Variants in MTOR observed in about 807,000 individuals in gnomAD.
The protein encoded by MTOR is serine/threonine-protein kinase mTOR.
MTOR carries 70 observed loss-of-function variants against 319.8 expected under a neutral mutation model. The ratio of observed to expected loss-of-function variants is 0.22; its 90% confidence interval spans 0.18 to 0.27. The LOEUF is 0.27. Among genes scored for constraint, MTOR ranks in the 10% least tolerant of loss-of-function variants. MTOR has a pLI of 1.00. For synonymous variants in MTOR, 1,183 were observed against 1,211.4 expected (o/e 0.98, Z 0.49); for missense variants, 1,890 against 3,274.4 (o/e 0.58, Z 10.32).
At position 11,127,836 on chromosome 1, in the gene MTOR, T is replaced by A. The variant is rs1770344; in HGVS notation, c.6034-30A>T. The A allele has an allele frequency of 1.9e-6, 3 of 1,601,146 alleles. No homozygotes were observed. In the South Asian group the frequency reaches 3.4e-5, roughly 18 times the overall value. ...AGCCAAGAGAAGAAGGAGAGAAGCA[T>A]CAAGAATCAGCTAACCTCAGAAAGG... On this transcript the variant is annotated intron_variant, in intron 43 of 57. Transcript: ENST00000361445. The surrounding 1 kb of genome is among the most constrained non-coding windows in gnomAD (Gnocchi z 5.5).
At chr1:11,243,568 A>G (rs1648381789) in intron 8 of MTOR, among the ~76,000 whole-genome samples, 1 of 151,776 alleles carries the variant, frequency 6.6e-6, no homozygotes, top group African/African-American at 2.4e-5. Flanking sequence ...CATGCCTGTA[A>G]TCCCAGCTAC....
intron 36 of MTOR, 30 bp downstream of exon 36, chr1:11,139,274 G>C (rs369323146): frequency 1.6e-4 from 256 of 1,569,668 alleles, no homozygotes; most frequent in Non-Finnish European, 2.1e-4. Context: ...TGGAGAAGGT[G>C]GTCTGTTCTG....
intron 8 of MTOR, among the ~76,000 whole-genome samples, chr1:11,246,340 C>T (rs899655895): frequency 6.6e-6 from 1 of 152,172 alleles, no homozygotes; most frequent in African/African-American, 2.4e-5. Context: ...GTTATTAGTT[C>T]CTTTTGAACC....
intron 49 of MTOR, among the ~76,000 whole-genome samples, chr1:11,119,528 G>A (rs1417778762): frequency 7.3e-6 from 1 of 136,764 alleles, no homozygotes; most frequent in Non-Finnish European, 1.5e-5. Context: ...CCGAGATCGC[G>A]CCACTGCACT....
intron 30 of MTOR, among the ~76,000 whole-genome samples, chr1:11,155,413 G>A (rs938088279): frequency 6.6e-6 from 1 of 151,604 alleles, no homozygotes; most frequent in Admixed American, 6.6e-5. Flanking sequence ...GAAAATGGCA[G>A]CAAAAAAAAA....
At chr1:11,251,522 T>C (rs763811127) in intron 6 of MTOR, among the ~76,000 whole-genome samples, 2 of 152,246 alleles carry the variant, frequency 1.3e-5, no homozygotes, top group Non-Finnish European at 2.9e-5. Flanking sequence ...AAGAATGGAA[T>C]CTATTTTGTT....
intron 4 of MTOR, 137 bp from the exon 5 acceptor site, chr1:11,256,329 G>A (rs1190612382): frequency 5.3e-5 from 77 of 1,445,930 alleles, no homozygotes; most frequent in Admixed American, 8.4e-5. Flanking sequence ...AGGAAATTCT[G>A]AGGACAGAGG....
Position 11,129,625 on chromosome 1 carries a change from G to A in MTOR, c.5714+113C>T, listed in dbSNP as rs527494442. On this transcript the variant is annotated intron_variant, in intron 40 of 57. Transcript: ENST00000361445. This position sits in a 1 kb window ranked among gnomAD's most constrained non-coding sequence, Gnocchi z 4.7. ...AGTGCAGAAAAAAGGCACATACATCGATCTTGGGTGTCCTGATCAGGGTCA... is the reference window on the plus strand; with the variant it reads ...AGTGCAGAAAAAAGGCACATACATCAATCTTGGGTGTCCTGATCAGGGTCA... 485 of 899,480 alleles carry A rather than the reference G, an allele frequency of 5.4e-4. 5 individuals are homozygous for A. In the South Asian group the frequency reaches 7.4e-3, roughly 14 times the overall value. The allele number at this position is 899,480 out of a possible 1,614,324, so 55.7% of individuals were successfully genotyped here. A position where few individuals can be genotyped will look rare whatever the true frequency, so the allele number is the denominator to read the frequency against.
chr1:11,128,636 C>T lies in MTOR; in HGVS notation c.5812-84G>A. On this transcript the variant is annotated intron_variant, in intron 41 of 57. Transcript: ENST00000361445. This position sits in a 1 kb window ranked among gnomAD's most constrained non-coding sequence, Gnocchi z 5.3. ...TCTAGGCAAAGATCAATTCTTTTAA[C>T]TTGTTTCGGTTGATGCTCTGAAATG... 7.2e-7 allele frequency: 1 copy of T among 1,387,006 alleles called. No individual in the cohort carries two copies. Among genetic ancestry groups the T allele is most frequent in the South Asian group, 1.2e-5 (1 of 84,252 alleles). The allele number at this position is 1,387,006 out of a possible 1,614,324, so 85.9% of individuals were successfully genotyped here. A position where few individuals can be genotyped will look rare whatever the true frequency, so the allele number is the denominator to read the frequency against.
At chr1:11,116,151 C>A (rs12145459) in intron 50 of MTOR, among the ~76,000 whole-genome samples, 8,828 of 152,136 alleles carry the variant, frequency 0.058, 364 homozygotes, top group South Asian at 0.12. Flanking sequence ...TCTGAACATT[C>A]GTAAATTACA....
intron 13 of MTOR, among the ~76,000 whole-genome samples, chr1:11,234,486 C>A (rs900012161): frequency 6.6e-6 from 1 of 152,212 alleles, no homozygotes; most frequent in Non-Finnish European, 1.5e-5. Flanking sequence ...AAAACCTGCT[C>A]CCTTTCCTTT....
intron 47 of MTOR, among the ~76,000 whole-genome samples, chr1:11,123,410 T>C (rs1423661198): frequency 9.0e-6 from 1 of 111,172 alleles, no homozygotes; most frequent in Non-Finnish European, 1.7e-5. Flanking sequence ...TGTGCCCAGC[T>C]TTTTTTTTTT....
chr1:11,214,240 A>AT, intron 20 of MTOR, among the ~76,000 whole-genome samples: 1 of 152,322 alleles, frequency 6.6e-6, no homozygotes, highest in South Asian at 2.1e-4. Context: ...ATAGCATCTG[A>AT]TATCTGTCCC....
intron 28 of MTOR, among the ~76,000 whole-genome samples, chr1:11,185,263 T>C (rs1297869670): frequency 5.3e-5 from 8 of 151,592 alleles, no homozygotes; most frequent in Non-Finnish European, 1.0e-4. Flanking sequence ...TTTTTTTTTT[T>C]TACTATATTC....
intron 23 of MTOR, among the ~76,000 whole-genome samples, chr1:11,211,802 A>C (rs1646321267): frequency 6.6e-6 from 1 of 152,044 alleles, no homozygotes; most frequent in Non-Finnish European, 1.5e-5. Flanking sequence ...CCTTAACTAC[A>C]AGCACTTCCC....
intron 28 of MTOR, chr1:11,194,809 C>A: frequency 6.2e-7 from 1 of 1,608,812 alleles, no homozygotes; most frequent in South Asian, 1.1e-5. Flanking sequence ...GATGTCTGGT[C>A]TATCACAGTC....
chr1:11,247,492 A>G, intron 8 of MTOR, 133 bp downstream of exon 8: 1 of 738,168 alleles, frequency 1.4e-6, no homozygotes, highest in Admixed American at 2.4e-5. Flanking sequence ...ATAGCATTGA[A>G]ATTGGACATG....
At position 11,213,649 on chromosome 1, in the gene MTOR, A is replaced by G. The variant is rs1392979826; in HGVS notation, c.3118-83T>C. The G allele has an allele frequency of 5.1e-6, 7 of 1,375,496 alleles. No homozygotes were observed. In the East Asian group the frequency reaches 1.6e-4, roughly 32 times the overall value. The allele number at this position is 1,375,496 out of a possible 1,614,324, so 85.2% of individuals were successfully genotyped here. On this transcript the variant is annotated intron_variant, in intron 20 of 57. Transcript: ENST00000361445. ...ACAAAGGAATCAAGATGGCCAGAAA[A>G]GCAAAACTGTAGTGAGCATGGTCTG...
At chr1:11,192,206 A>G in intron 28 of MTOR, 2 of 1,232,804 alleles carry the variant, frequency 1.6e-6, no homozygotes, top group Admixed American at 1.7e-5. Flanking sequence ...CTCAGTCTCT[A>G]AACACTCAAC....
Sources: allele counts gnomAD v4.1 joint callset (sites outside exome capture counted in the v4.1 genomes callset), GRCh38; gene constraint gnomAD v4.1.1; non-coding constraint Gnocchi (gnomAD v3.1); transcripts MANE v1.5; gene names NCBI Gene and HGNC (gene_info 2026-07-23, HGNC 2026-07-21).